Variants in RUNX1T1 observed in about 807,000 individuals in gnomAD.
RUNX1T1 encodes protein CBFA2T1.
A neutral mutation model predicts 62.8 loss-of-function variants in RUNX1T1; 4 were observed. The observed-to-expected ratio is 0.06, with a 90% confidence interval of 0.03 to 0.15. RUNX1T1 has a LOEUF of 0.15. RUNX1T1 is among the 10% of genes least tolerant of loss of function. The pLI is 1.00. For missense variants in RUNX1T1, 508 were observed against 754.3 expected (o/e 0.67, Z 3.82); for synonymous variants, 291 against 286.0 (o/e 1.02, Z -0.18).
chr8:92,007,161 G>A (rs560897562), intron 4 of RUNX1T1, among the ~76,000 whole-genome samples: 1 of 152,234 alleles, frequency 6.6e-6, no homozygotes, highest in South Asian at 2.1e-4. Flanking sequence ...CATTTTTAAA[G>A]TTTTTAAAAT....
rs59047751 is a variant in RUNX1T1, at chr8:92,032,093, C to CAAAAAAAAAAAAAAAAA, written c.8-14747_8-14731dup. 1.0e-4 allele frequency among the ~76,000 whole-genome samples: 3 copies of CAAAAAAAAAAAAAAAAA among 29,534 alleles called. 1 individual carries two copies. The highest frequency in any genetic ancestry group is 5.5e-5 in the Non-Finnish European group (1 of 18,216). The allele number at this position is 29,534 out of a possible 152,430, so 19.4% of individuals were successfully genotyped here. A position where few individuals can be genotyped will look rare whatever the true frequency, so the allele number is the denominator to read the frequency against. ...GGGCGGCAGAGCGAGAATCCTGTCT[C>CAAAAAAAAAAAAAAAAA]AAAAAAAAAAAAAAAAAAAAAAAAA... On this transcript the variant is annotated intron_variant, in intron 1 of 10. Transcript: ENST00000396218.
chr8:92,036,579 C>A (rs1827454981), intron 1 of RUNX1T1, among the ~76,000 whole-genome samples: 1 of 152,190 alleles, frequency 6.6e-6, no homozygotes, highest in African/African-American at 2.4e-5. Context: ...CAACACAGCA[C>A]CTTTGAATAC....
At chr8:92,095,623 A>ATCTC in intron 1 of RUNX1T1, 2 of 1,361,222 alleles carry the variant, frequency 1.5e-6, no homozygotes, top group African/African-American at 1.5e-5. Context: ...TGGGAGAGAG[A>ATCTC]GAGAGAAGAC....
Position 91,959,428 on chromosome 8 carries a change from G to C in RUNX1T1, c.*814C>G, listed in dbSNP as rs965697110. The stretch of plus-strand genomic sequence containing the variant: ...GTCTCTTACTTGTGTGTGTGTGTGT[G>C]TGTGTGTGTGTGTGTGTGTGTGTGT... On this transcript the variant is annotated 3_prime_UTR_variant, in exon 11 of 11. Transcript: ENST00000396218. The C allele has an allele frequency of 3.7e-4, 35 of 93,802 alleles. 2 individuals carry two copies. The highest frequency in any genetic ancestry group is 1.9e-3 in the African/African-American group (23 of 11,924). The allele number at this position is 93,802 out of a possible 1,614,324, so 5.8% of individuals were successfully genotyped here. A position where few individuals can be genotyped will look rare whatever the true frequency, so the allele number is the denominator to read the frequency against.
chr8:91,959,106 A>T (rs1809830798), exon 11 of RUNX1T1: 1 of 217,272 alleles, frequency 4.6e-6, no homozygotes, highest in African/African-American at 2.2e-5. Flanking sequence ...TTTGTCCAAC[A>T]CATTTACAAG....
upstream of RUNX1T1, among the ~76,000 whole-genome samples, chr8:92,066,935 C>T (rs1232258078): frequency 2.6e-5 from 4 of 152,200 alleles, no homozygotes; most frequent in Non-Finnish European, 4.4e-5. Context: ...AACAACTAAA[C>T]ACATTTACGC....
chr8:92,035,127 T>C (rs909593642), intron 1 of RUNX1T1, among the ~76,000 whole-genome samples: 2 of 151,930 alleles, frequency 1.3e-5, no homozygotes, highest in Non-Finnish European at 2.9e-5. Context: ...AAACGCCGTC[T>C]CTACTAAAAG....
At chr8:91,970,243 A>G (rs1467346635) in intron 10 of RUNX1T1, among the ~76,000 whole-genome samples, 1 of 152,170 alleles carries the variant, frequency 6.6e-6, no homozygotes, top group Non-Finnish European at 1.5e-5. Context: ...ACCAATAGCT[A>G]AGGCAGTGAT....
upstream of RUNX1T1, among the ~76,000 whole-genome samples, chr8:92,102,245 C>G (rs1213020667): frequency 6.6e-6 from 1 of 152,122 alleles, no homozygotes; most frequent in Non-Finnish European, 1.5e-5. This position sits in a 1 kb window ranked among gnomAD's most constrained non-coding sequence, Gnocchi z 4.5. Flanking sequence ...GCACCCCAAA[C>G]GGCCAGGAGT....
At chr8:92,026,234 A>G (rs2131264893) in intron 1 of RUNX1T1, among the ~76,000 whole-genome samples, 1 of 152,346 alleles carries the variant, frequency 6.6e-6, no homozygotes, top group Admixed American at 6.5e-5. Context: ...ACAAAACCCT[A>G]TTAGGATAAA....
At chr8:91,991,642 T>C in exon 6 of RUNX1T1, 1 of 1,613,256 alleles carries the variant, frequency 6.2e-7, no homozygotes, top group Non-Finnish European at 8.5e-7. Flanking sequence ...GTCTTACCCA[T>C]AGGTCTGTTT....
chr8:92,039,026 C>T (rs4734170), intron 1 of RUNX1T1, among the ~76,000 whole-genome samples: 39,947 of 151,988 alleles, frequency 0.26, 5,978 homozygotes, highest in African/African-American at 0.41. Context: ...TTCTTAAGGG[C>T]AGACCTCAGG....
intron 1 of RUNX1T1, among the ~76,000 whole-genome samples, chr8:92,057,200 T>C (rs1284889823): frequency 1.3e-5 from 2 of 152,214 alleles, no homozygotes; most frequent in African/African-American, 4.8e-5. Flanking sequence ...AAAAGAACTC[T>C]ACCTTCTATG....
At chr8:92,017,231 G>A (rs1221103803) in exon 2 of RUNX1T1, 1 of 1,600,914 alleles carries the variant, frequency 6.2e-7, no homozygotes, top group East Asian at 2.2e-5. Flanking sequence ...CTTACACGTT[G>A]TCGGTGTAAA....
intron 1 of RUNX1T1, among the ~76,000 whole-genome samples, chr8:92,084,090 G>A (rs534143582): frequency 6.6e-6 from 1 of 152,018 alleles, no homozygotes; most frequent in Non-Finnish European, 1.5e-5. Context: ...CACACACCGG[G>A]GCCTGTCGGG....
intron 1 of RUNX1T1, among the ~76,000 whole-genome samples, chr8:92,062,391 A>G (rs1379314286): frequency 6.6e-6 from 1 of 152,134 alleles, no homozygotes; most frequent in Non-Finnish European, 1.5e-5. Flanking sequence ...GGTTCTCTTT[A>G]TGCTACCTTC....
upstream of RUNX1T1, among the ~76,000 whole-genome samples, chr8:92,066,830 A>G (rs1832949771): frequency 6.6e-6 from 1 of 152,248 alleles, no homozygotes; most frequent in South Asian, 2.1e-4. Flanking sequence ...ATAGAGGGGG[A>G]AAGAAAAAAC....
chr8:92,053,044 A>G (rs1422449627), intron 1 of RUNX1T1, among the ~76,000 whole-genome samples: 1 of 152,202 alleles, frequency 6.6e-6, no homozygotes, highest in Non-Finnish European at 1.5e-5. Flanking sequence ...CAAAAGTCTT[A>G]CCCTATTCCT....
chr8:92,030,219 A>G (rs375965175), intron 1 of RUNX1T1, among the ~76,000 whole-genome samples: 2 of 152,250 alleles, frequency 1.3e-5, no homozygotes, highest in African/African-American at 2.4e-5. Context: ...ATTATAAGCA[A>G]TATCGTACTA....
Sources: allele counts gnomAD v4.1 joint callset (sites outside exome capture counted in the v4.1 genomes callset), GRCh38; gene constraint gnomAD v4.1.1; non-coding constraint Gnocchi (gnomAD v3.1); transcripts MANE v1.5; gene names NCBI Gene and HGNC (gene_info 2026-07-23, HGNC 2026-07-21).